Variants in BTBD9 observed in about 807,000 individuals in gnomAD.
BTBD9 encodes the protein BTB domain containing 9.
In BTBD9, 49 loss-of-function variants were observed where a neutral mutation model predicts 64.3. The ratio of observed to expected loss-of-function variants is 0.76; its 90% confidence interval spans 0.61 to 0.97. The LOEUF (loss-of-function observed/expected upper bound fraction) is 0.97. Ranked by LOEUF, BTBD9 falls within the 50% of genes least tolerant of loss-of-function variation. BTBD9 has a pLI of 0.00. For missense variants in BTBD9, 598 were observed against 762.1 expected, an observed-to-expected ratio of 0.78 and a Z score of 2.53; for synonymous variants, 260 against 274.7, an observed-to-expected ratio of 0.95 and a Z score of 0.53.
At chr6:38,581,591 C>T (rs1304392140) in intron 4 of BTBD9, among the ~76,000 whole-genome samples, 1 of 152,118 alleles carries the variant, frequency 6.6e-6, no homozygotes, top group Non-Finnish European at 1.5e-5. Flanking sequence ...ACCTATCTTC[C>T]AGGTACTAAC....
intron 7 of BTBD9, among the ~76,000 whole-genome samples, chr6:38,338,445 C>G (rs1562045116): frequency 6.6e-6 from 1 of 152,088 alleles, no homozygotes; most frequent in East Asian, 1.9e-4. Context: ...CTGTACAGAA[C>G]AAAAAGTTAC....
chr6:38,485,611 T>C (rs1215170516), intron 6 of BTBD9, among the ~76,000 whole-genome samples: 2 of 152,158 alleles, frequency 1.3e-5, no homozygotes, highest in Non-Finnish European at 2.9e-5. Flanking sequence ...GTCTCAGCAG[T>C]AGGTGTCAGC....
intron 8 of BTBD9, among the ~76,000 whole-genome samples, chr6:38,266,640 A>AG (rs1765004729): frequency 8.0e-6 from 1 of 124,948 alleles, no homozygotes; most frequent in African/African-American, 3.7e-5. Flanking sequence ...GAAAGAAAGA[A>AG]AGAAAGAAAG....
chr6:38,228,632 T>C (rs1358815269), intron 9 of BTBD9, among the ~76,000 whole-genome samples: 2 of 151,536 alleles, frequency 1.3e-5, no homozygotes, highest in Non-Finnish European at 2.9e-5. Context: ...TCCCAGCACT[T>C]TGGGAGGCCG....
At chr6:38,370,595 A>C (rs897415777) in intron 6 of BTBD9, among the ~76,000 whole-genome samples, 7 of 152,260 alleles carry the variant, frequency 4.6e-5, no homozygotes, top group Non-Finnish European at 8.8e-5. Flanking sequence ...AAGTGACAAA[A>C]GACATAAATT....
chr6:38,630,494 C>T (rs940071647), intron 1 of BTBD9, among the ~76,000 whole-genome samples: 1 of 152,118 alleles, frequency 6.6e-6, no homozygotes, highest in Non-Finnish European at 1.5e-5. Flanking sequence ...ACTTTCTCTT[C>T]AACAGTTCAG....
intron 6 of BTBD9, among the ~76,000 whole-genome samples, chr6:38,355,539 C>T (rs1764692693): frequency 1.3e-5 from 2 of 152,098 alleles, no homozygotes; most frequent in Non-Finnish European, 2.9e-5. Context: ...ACACTTGTTT[C>T]AGAAATTCAG....
At chr6:38,426,020 A>G (rs554337144) in intron 6 of BTBD9, among the ~76,000 whole-genome samples, 2 of 151,950 alleles carry the variant, frequency 1.3e-5, no homozygotes, top group South Asian at 2.1e-4. Flanking sequence ...TACGTGTGTC[A>G]TAATTCTTGA....
chr6:38,575,411 C>T (rs763392161), intron 6 of BTBD9, among the ~76,000 whole-genome samples: 4 of 152,084 alleles, frequency 2.6e-5, no homozygotes, highest in Non-Finnish European at 5.9e-5. Context: ...GCAAAGGACA[C>T]TAAAGAACAA....
intron 10 of BTBD9, among the ~76,000 whole-genome samples, chr6:38,177,435 A>C (rs1217828579): frequency 6.6e-6 from 1 of 151,964 alleles, no homozygotes; most frequent in Non-Finnish European, 1.5e-5. Flanking sequence ...CTCCGATCTG[A>C]CTCAAGGACC....
At chr6:38,455,970 C>T (rs940466671) in intron 6 of BTBD9, among the ~76,000 whole-genome samples, 6 of 151,434 alleles carry the variant, frequency 4.0e-5, no homozygotes, top group African/African-American at 1.5e-4. Context: ...AGCCACTGCA[C>T]CTAGCCCTTT....
At chr6:38,483,533 C>A (rs1582506197) in intron 6 of BTBD9, among the ~76,000 whole-genome samples, 1 of 152,020 alleles carries the variant, frequency 6.6e-6, no homozygotes, top group East Asian at 1.9e-4. Context: ...TGGTTTAAAC[C>A]CTTCTATGGT....
chr6:38,376,645 T>TA (rs925989862), intron 6 of BTBD9, among the ~76,000 whole-genome samples: 10 of 152,166 alleles, frequency 6.6e-5, no homozygotes, highest in African/African-American at 2.4e-4. Context: ...CATTAACCCC[T>TA]AAAAAACCTC....
At chr6:38,577,495 T>C (rs937444848) in intron 6 of BTBD9, 105 bp downstream of exon 6, 3 of 1,157,212 alleles carry the variant, frequency 2.6e-6, no homozygotes, top group Non-Finnish European at 3.6e-6. Context: ...GTAGTTGACA[T>C]CCTGAATAAC....
chr6:38,466,687 C>T (rs184430796), intron 6 of BTBD9, among the ~76,000 whole-genome samples: 30 of 152,188 alleles, frequency 2.0e-4, no homozygotes, highest in African/African-American at 6.7e-4. Flanking sequence ...AAGTTATTTT[C>T]GTGTCTCAGC....
At chr6:38,306,288 CA>C (rs1762619110) in intron 7 of BTBD9, among the ~76,000 whole-genome samples, 1 of 152,196 alleles carries the variant, frequency 6.6e-6, no homozygotes, top group Non-Finnish European at 1.5e-5. Flanking sequence ...ACTTTGTTTA[CA>C]AAACCATGCT....
At chr6:38,502,290 T>C (rs1436946116) in intron 6 of BTBD9, among the ~76,000 whole-genome samples, 1 of 152,230 alleles carries the variant, frequency 6.6e-6, no homozygotes, top group Non-Finnish European at 1.5e-5. Flanking sequence ...AACACTTAAT[T>C]TACCTTCATT....
At chr6:38,480,691 C>T (rs1771099640) in intron 6 of BTBD9, among the ~76,000 whole-genome samples, 1 of 152,196 alleles carries the variant, frequency 6.6e-6, no homozygotes, top group South Asian at 2.1e-4. Flanking sequence ...TGGAAGTGTA[C>T]TCTGAGAACC....
chr6:38,298,868 T>TTTA (rs1245165466), intron 7 of BTBD9, among the ~76,000 whole-genome samples: 16 of 150,062 alleles, frequency 1.1e-4, no homozygotes, highest in Admixed American at 4.0e-4. Flanking sequence ...TTTTTTTTTT[T>TTTA]AATATACTTT....
Sources: allele counts gnomAD v4.1 joint callset (sites outside exome capture counted in the v4.1 genomes callset), GRCh38; gene constraint gnomAD v4.1.1; transcripts MANE v1.5; gene names NCBI Gene and HGNC (gene_info 2026-07-23, HGNC 2026-07-21).